Variants in ZNF713 observed in about 807,000 individuals in gnomAD.
ZNF713 encodes zinc finger protein 713.
A neutral mutation model predicts 28.7 loss-of-function variants in ZNF713; 21 were observed. The observed-to-expected ratio is 0.73, with a 90% confidence interval of 0.52 to 1.05. The LOEUF (loss-of-function observed/expected upper bound fraction) is 1.05, where lower values mean the gene tolerates loss of function less well. ZNF713 is among the 50% of genes least tolerant of loss of function. The probability of loss-of-function intolerance (pLI) is 0.00; values close to 1 mark genes in which losing one functional copy is unlikely to be tolerated. For missense variants in ZNF713, 458 were observed against 532.4 expected, an observed-to-expected ratio of 0.86 and a Z score of 1.37; for synonymous variants, 167 against 178.0, an observed-to-expected ratio of 0.94 and a Z score of 0.49.
Position 55,923,631 on chromosome 7 carries a change from T to TAATC in ZNF713, c.240_243dup (p.Ala82AsnfsTer41). On this transcript the variant is annotated frameshift_variant, in exon 6 of 7. Transcript: ENST00000429591. LOFTEE classifies it high-confidence loss of function. ...GGGTATCAGCTTTGTAAGCCAGAGGTAATCGCGCAGTTGGAGCTAGAGGAA... is the reference window on the plus strand; with the variant it reads ...GGGTATCAGCTTTGTAAGCCAGAGGTAATCAATCGCGCAGTTGGAGCTAGAGGAA... 1 of 1,608,754 alleles carries TAATC rather than the reference T, an allele frequency of 6.2e-7. No homozygotes were observed. Among genetic ancestry groups the TAATC allele is most frequent in the South Asian group, 1.1e-5 (1 of 89,960 alleles).
At chr7:55,917,784 G>A (rs993398430) in intron 4 of ZNF713, among the ~76,000 whole-genome samples, 1 of 152,090 alleles carries the variant, frequency 6.6e-6, no homozygotes, top group Non-Finnish European at 1.5e-5. Context: ...CAGGAAAAGT[G>A]TTCATCTGTA....
chr7:55,907,236 G>A (rs980741056), intron 2 of ZNF713, among the ~76,000 whole-genome samples: 1 of 152,138 alleles, frequency 6.6e-6, no homozygotes, highest in Non-Finnish European at 1.5e-5. Context: ...GCATTGCATA[G>A]CCTGGTATTA....
At chr7:55,902,615 T>G (rs1377437939) in intron 1 of ZNF713, among the ~76,000 whole-genome samples, 1 of 152,126 alleles carries the variant, frequency 6.6e-6, no homozygotes, top group Non-Finnish European at 1.5e-5. Context: ...GGCCTATATC[T>G]CTCCATTTTT....
At chr7:55,920,793 T>C (rs1055959988) in intron 4 of ZNF713, among the ~76,000 whole-genome samples, 1 of 144,724 alleles carries the variant, frequency 6.9e-6, no homozygotes, top group Non-Finnish European at 1.5e-5. Flanking sequence ...TATTTATTTA[T>C]TTTTATTAGT....
At chr7:55,892,600 CG>C (rs1357570606) in intron 1 of ZNF713, among the ~76,000 whole-genome samples, 1 of 141,592 alleles carries the variant, frequency 7.1e-6, no homozygotes, top group Non-Finnish European at 1.5e-5. Flanking sequence ...AGGCTGGGCG[CG>C]GTGGCTCACG....
rs780297269 is a variant in ZNF713 at position 55,923,233 on chromosome 7, A to G, written c.159A>G (p.Gln53=). Residue 53 remains glutamine (Q), a synonymous_variant, in exon 5 of 7, where the codon CAA becomes CAG. Transcript: ENST00000429591. The stretch of plus-strand genomic sequence containing the variant: ...AGTGGGACCAGCTGTACCCTGCCCA[A>G]AAGAACCTCTATCGAGACGTGATGC... The part of the protein sequence containing the change: ...REEWDQLYPA[Q]KNLYRDVMLE... The G allele has an allele frequency of 1.2e-5, 20 of 1,613,802 alleles. 1 individual carries two copies. The highest frequency in any genetic ancestry group is 3.3e-5 in the South Asian group (3 of 91,048).
chr7:55,903,725 A>T (rs1316523513), intron 1 of ZNF713, among the ~76,000 whole-genome samples: 3 of 151,226 alleles, frequency 2.0e-5, no homozygotes, highest in Non-Finnish European at 1.5e-5. Context: ...GAGCAACCTC[A>T]CCTGGTCTGT....
chr7:55,941,919 C>T lies in ZNF713; in HGVS notation c.*1913C>T, dbSNP rs1285695931. 6.6e-6 allele frequency: 1 copy of T among 151,972 alleles called. No individual in the cohort carries two copies. 9.4% of individuals were successfully genotyped at this position (151,972 alleles called of 1,614,324 possible). On this transcript the variant is annotated 3_prime_UTR_variant, in exon 7 of 7. Coordinates refer to ENST00000429591, the MANE Select transcript of ZNF713 (RefSeq NM_182633.3). ...GAGCCTTGAAGAAGACTTGAGGGTC[C>T]TATTGATGAACTTTGAAATATTGAT... is the stretch of plus-strand genomic sequence containing the variant.
At position 55,937,738 on chromosome 7, in the gene ZNF713, A is replaced by T. The variant is rs35223788; in HGVS notation, c.308-1244A>T. The stretch of plus-strand genomic sequence containing the variant: ...GGAAACGTAGTGAGACCCCGTCTCT[A>T]AAAAAAAAAAATCAAAATATTAGTC... On this transcript the variant is annotated intron_variant, in intron 6 of 6. Coordinates refer to ENST00000429591, the MANE Select transcript of ZNF713 (RefSeq NM_182633.3). 4.2e-3 allele frequency among the ~76,000 whole-genome samples: 605 copies of T among 145,708 alleles called. 4 individuals carry two copies. The highest frequency in any genetic ancestry group is 7.4e-3 in the Non-Finnish European group (490 of 65,870).
At position 55,912,548 on chromosome 7, in the gene ZNF713, T is replaced by A. The variant is rs1785804254; in HGVS notation, c.-2-87T>A. On this transcript the variant is annotated intron_variant, in intron 3 of 6. Transcript: ENST00000429591. ...TGTCTTAGAGGGCTTCTCAGTACTG[T>A]CTGCCATACCTACACAAAGCAGAAT... The A allele has an allele frequency of 3.3e-6, 3 of 918,818 alleles. No individual in the cohort carries two copies. In the East Asian group the frequency reaches 7.9e-5, roughly 24 times the overall value. 56.9% of individuals were successfully genotyped at this position (918,818 alleles called of 1,614,324 possible).
chr7:55,891,917 AG>A lies in ZNF713; in HGVS notation c.-583+4238del, dbSNP rs939663210. On this transcript the variant is annotated intron_variant, in intron 1 of 6. Transcript: ENST00000429591. ...GAAAAAAATTAAATCATAGAAAAAA[AG>A]TAAATCTCAACTAAGATAGACTGTC... is the stretch of plus-strand genomic sequence containing the variant. 2.0e-5 allele frequency among the ~76,000 whole-genome samples: 3 copies of A among 152,190 alleles called. 1 individual carries two copies. The East Asian group carries it at 5.8e-4, about 29-fold the overall frequency.
chr7:55,931,458 TAA>T (rs1210792598), intron 6 of ZNF713, among the ~76,000 whole-genome samples: 3 of 152,222 alleles, frequency 2.0e-5, no homozygotes, highest in African/African-American at 7.2e-5. Flanking sequence ...TTTAAATTAA[TAA>T]GAGAACCAAA....
In ZNF713 at chr7:55,939,787, A is replaced by G. The variant is rs1397720357; in HGVS notation, c.1113A>G (p.Glu371=). 3 of 1,614,036 alleles carry G rather than the reference A, an allele frequency of 1.9e-6. No individual in the cohort carries two copies. Among genetic ancestry groups the G allele is most frequent in the Non-Finnish European group, 2.5e-6 (3 of 1,180,032 alleles). Residue 371 remains glutamate (E), a synonymous_variant, in exon 7 of 7, where the codon GAA becomes GAG. Coordinates refer to ENST00000429591, the MANE Select transcript of ZNF713 (RefSeq NM_182633.3). ...HRLHTGEKPY[E]CGFCGKAFSQ... Reference sequence around the variant, plus strand: ...TTCATACCGGAGAGAAACCTTACGAATGTGGTTTCTGTGGCAAAGCCTTCA... The same window carrying G: ...TTCATACCGGAGAGAAACCTTACGAGTGTGGTTTCTGTGGCAAAGCCTTCA...
intron 1 of ZNF713, among the ~76,000 whole-genome samples, chr7:55,901,475 C>G (rs1491004154): frequency 6.6e-6 from 1 of 152,148 alleles, no homozygotes; most frequent in Non-Finnish European, 1.5e-5. Context: ...ATTAATGCAT[C>G]ACATTGTACT....
At chr7:55,913,369 T>C (rs1450735375) in intron 4 of ZNF713, among the ~76,000 whole-genome samples, 1 of 150,262 alleles carries the variant, frequency 6.7e-6, no homozygotes, top group Non-Finnish European at 1.5e-5. Context: ...GCCCGGCCAA[T>C]TTTTTGTATT....
intron 1 of ZNF713, among the ~76,000 whole-genome samples, chr7:55,887,930 G>GCCGCTGTCC (rs531318016): frequency 4.9e-5 from 7 of 143,996 alleles, no homozygotes; most frequent in South Asian, 4.3e-4. Context: ...GGGAGGGGCG[G>GCCGCTGTCC]CCGCTGTCCC....
chr7:55,917,267 A>C lies in ZNF713; in HGVS notation c.87+4544A>C, dbSNP rs77431847. On this transcript the variant is annotated intron_variant, in intron 4 of 6. Coordinates refer to ENST00000429591, the MANE Select transcript of ZNF713 (RefSeq NM_182633.3). The stretch of plus-strand genomic sequence containing the variant: ...ACCAAAAGCATCTGCATGGAAAAAA[A>C]AAAACAACAAACTATAAGCAAAGTA... 3.0e-3 allele frequency among the ~76,000 whole-genome samples: 438 copies of C among 148,254 alleles called. 8 individuals are homozygous for C. The South Asian group carries it at 0.042, about 14-fold the overall frequency.
At chr7:55,934,405 G>T (rs1016189329) in intron 6 of ZNF713, among the ~76,000 whole-genome samples, 4 of 152,114 alleles carry the variant, frequency 2.6e-5, no homozygotes, top group Non-Finnish European at 5.9e-5. Flanking sequence ...AAATTAAAAT[G>T]GATGAGGTAC....
intron 6 of ZNF713, among the ~76,000 whole-genome samples, chr7:55,931,051 C>T (rs943983132): frequency 3.3e-5 from 5 of 152,098 alleles, no homozygotes; most frequent in African/African-American, 7.2e-5. Flanking sequence ...ACTTGGGAGA[C>T]GAGGTGGGTG....
Sources: allele counts gnomAD v4.1 joint callset (sites outside exome capture counted in the v4.1 genomes callset), GRCh38; gene constraint gnomAD v4.1.1; transcripts MANE v1.5; gene names NCBI Gene and HGNC (gene_info 2026-07-23, HGNC 2026-07-21).